The following LINGO2 variants were observed in gnomAD, a reference collection of about 807,000 sequenced individuals.
The protein encoded by LINGO2 is leucine-rich repeat and immunoglobulin-like domain-containing nogo receptor-interacting protein 2.
A neutral mutation model predicts 30.6 loss-of-function variants in LINGO2; 14 were observed. The observed-to-expected ratio is 0.46, with a 90% CI of 0.30 to 0.72. The LOEUF (loss-of-function observed/expected upper bound fraction) is 0.72. Among genes scored for constraint, LINGO2 ranks in the 30% least tolerant of loss-of-function variants. The pLI, the probability that LINGO2 is intolerant of heterozygous loss-of-function variation, is 0.07. For missense variants in LINGO2, 729 were observed against 751.7 expected (o/e 0.97, Z 0.35); for synonymous variants, 317 against 288.5 (o/e 1.10, Z -1.00).
intron 2 of LINGO2, among the ~76,000 whole-genome samples, chr9:28,418,439 A>G (rs1016336447): frequency 6.6e-6 from 1 of 151,682 alleles, no homozygotes; most frequent in Admixed American, 6.6e-5. Flanking sequence ...CGACCACGCC[A>G]GGCTAATTTT....
chr9:28,905,552 C>A, the LINGO2 span, among the ~76,000 whole-genome samples: 1 of 152,054 alleles, frequency 6.6e-6, no homozygotes, highest in South Asian at 2.1e-4. Flanking sequence ...CTCAATATTA[C>A]TAATCATCTG....
intron 1 of LINGO2, among the ~76,000 whole-genome samples, chr9:28,484,106 C>T (rs1034207557): frequency 6.6e-6 from 1 of 152,010 alleles, no homozygotes; most frequent in African/African-American, 2.4e-5. Context: ...TACCCTTCAC[C>T]TGAATGAGGT....
chr9:28,441,279 TTTTTTTTTTTG>T (rs1824187099), intron 2 of LINGO2, among the ~76,000 whole-genome samples: 1 of 118,376 alleles, frequency 8.4e-6, no homozygotes, highest in African/African-American at 3.4e-5. Context: ...TTTTTTTTTT[TTTTTTTTTTTG>T]GTGAATTAGC....
At chr9:28,948,320 C>A in the LINGO2 span, among the ~76,000 whole-genome samples, 215 of 152,138 alleles carry the variant, frequency 1.4e-3, no homozygotes, top group African/African-American at 4.5e-3. Context: ...GAATAAAAAC[C>A]ATAATACAAT....
the LINGO2 span, among the ~76,000 whole-genome samples, chr9:29,205,136 G>A: frequency 6.6e-6 from 1 of 152,090 alleles, no homozygotes; most frequent in Non-Finnish European, 1.5e-5. Flanking sequence ...CGCCTCCTGG[G>A]TTCAAGTGAT....
the LINGO2 span, among the ~76,000 whole-genome samples, chr9:28,700,422 A>G: frequency 3.3e-5 from 5 of 151,858 alleles, no homozygotes; most frequent in African/African-American, 1.2e-4. Flanking sequence ...TGCTTCTTTC[A>G]CTTAGAAGTA....
the LINGO2 span, among the ~76,000 whole-genome samples, chr9:29,180,479 A>G: frequency 9.9e-5 from 15 of 152,206 alleles, no homozygotes; most frequent in Non-Finnish European, 1.9e-4. Context: ...CAATAATTCT[A>G]AAATCCAGAC....
At chr9:28,027,191 C>A (rs1220193437) in intron 4 of LINGO2, among the ~76,000 whole-genome samples, 1 of 152,144 alleles carries the variant, frequency 6.6e-6, no homozygotes, top group African/African-American at 2.4e-5. Flanking sequence ...TTACTCTATG[C>A]CAGAATTCAT....
chr9:28,039,043 G>A (rs1264016067), intron 4 of LINGO2, among the ~76,000 whole-genome samples: 1 of 152,114 alleles, frequency 6.6e-6, no homozygotes, highest in African/African-American at 2.4e-5. Flanking sequence ...TTCCTTTGTC[G>A]GGGAGTAAGG....
chr9:29,050,183 G>A, the LINGO2 span, among the ~76,000 whole-genome samples: 22 of 151,968 alleles, frequency 1.4e-4, no homozygotes, highest in African/African-American at 5.3e-4. Context: ...GCACCACCAG[G>A]TCTGGCTAAC....
At chr9:28,028,419 A>G (rs12685692) in intron 4 of LINGO2, among the ~76,000 whole-genome samples, 24,442 of 152,120 alleles carry the variant, frequency 0.16, 2,120 homozygotes, top group South Asian at 0.26. Context: ...GGACATCTAC[A>G]GTATAAAAGG....
At chr9:28,580,063 A>G (rs996993131) in intron 1 of LINGO2, among the ~76,000 whole-genome samples, 6 of 152,120 alleles carry the variant, frequency 3.9e-5, no homozygotes, top group Non-Finnish European at 8.8e-5. Flanking sequence ...TAATTGCTAT[A>G]GCAAAAGAAG....
At chr9:28,068,829 A>G (rs1825389956) in intron 4 of LINGO2, among the ~76,000 whole-genome samples, 2 of 152,154 alleles carry the variant, frequency 1.3e-5, no homozygotes, top group African/African-American at 4.8e-5. Context: ...ACAAGGTACT[A>G]TGAAGGATAC....
At chr9:28,397,037 A>G (rs1370166744) in intron 2 of LINGO2, among the ~76,000 whole-genome samples, 2 of 152,120 alleles carry the variant, frequency 1.3e-5, no homozygotes, top group Non-Finnish European at 2.9e-5. Flanking sequence ...TAAAAAGATG[A>G]TGCCCTGGGC....
chr9:28,411,301 A>C (rs959492568), intron 2 of LINGO2, among the ~76,000 whole-genome samples: 1 of 152,106 alleles, frequency 6.6e-6, no homozygotes, highest in Non-Finnish European at 1.5e-5. Flanking sequence ...CTGAGTGGCA[A>C]AATGATTTTA....
chr9:28,797,337 T>TAC, the LINGO2 span, among the ~76,000 whole-genome samples: 107 of 62,798 alleles, frequency 1.7e-3, no homozygotes, highest in Non-Finnish European at 2.8e-3. Context: ...TACATATATA[T>TAC]ATATATATAT....
At chr9:28,799,559 A>T in the LINGO2 span, among the ~76,000 whole-genome samples, 1 of 152,144 alleles carries the variant, frequency 6.6e-6, no homozygotes, top group Non-Finnish European at 1.5e-5. Flanking sequence ...AAGAACTGAG[A>T]GGAGAGAAAT....
the LINGO2 span, among the ~76,000 whole-genome samples, chr9:28,747,554 C>T: frequency 7.9e-5 from 12 of 152,134 alleles, no homozygotes; most frequent in South Asian, 8.3e-4. Flanking sequence ...TGCAGACACC[C>T]ATCCCTAGAC....
At chr9:28,026,245 T>A (rs1202977071) in intron 4 of LINGO2, among the ~76,000 whole-genome samples, 2 of 152,208 alleles carry the variant, frequency 1.3e-5, no homozygotes, top group Non-Finnish European at 2.9e-5. Context: ...GGGTAATTTT[T>A]GATGTTTACA....
Sources: allele counts gnomAD v4.1 joint callset (sites outside exome capture counted in the v4.1 genomes callset), GRCh38; gene constraint gnomAD v4.1.1; transcripts MANE v1.5; gene names NCBI Gene and HGNC (gene_info 2026-07-23, HGNC 2026-07-21).